DISC1: variants seen among roughly 807,000 people sequenced by gnomAD.
DISC1 encodes DISC1 scaffold protein.
A neutral mutation model predicts 84.5 loss-of-function variants in DISC1; 57 were observed. The ratio of observed to expected loss-of-function variants is 0.67; its 90% confidence interval spans 0.55 to 0.84. DISC1 has a LOEUF of 0.84. Ranked by LOEUF, DISC1 falls within the 40% of genes least tolerant of loss-of-function variation. The pLI is 0.00. For synonymous variants in DISC1, 411 were observed against 415.2 expected, an observed-to-expected ratio of 0.99 and a Z score of 0.12; for missense variants, 1,000 against 1,057.8, an observed-to-expected ratio of 0.95 and a Z score of 0.76.
intron 1 of DISC1, among the ~76,000 whole-genome samples, chr1:231,645,286 G>A (rs2060028873): frequency 6.6e-6 from 1 of 152,120 alleles, no homozygotes; most frequent in Non-Finnish European, 1.5e-5. Flanking sequence ...CATCATGCTG[G>A]TGTGGGAAAG....
chr1:231,983,641 T>TG (rs1157641335), intron 10 of DISC1, among the ~76,000 whole-genome samples: 2 of 4,508 alleles, frequency 4.4e-4, no homozygotes, highest in African/African-American at 9.1e-4. Flanking sequence ...GGTTGGGGGT[T>TG]GGGGGGAGGG....
At chr1:231,981,326 C>T (rs1399267565) in intron 10 of DISC1, among the ~76,000 whole-genome samples, 2 of 152,140 alleles carry the variant, frequency 1.3e-5, no homozygotes, top group Non-Finnish European at 2.9e-5. Flanking sequence ...ATACCAGTGG[C>T]ATGCAAAATG....
intron 6 of DISC1, among the ~76,000 whole-genome samples, chr1:231,794,315 T>C (rs2078592233): frequency 6.6e-6 from 1 of 152,106 alleles, no homozygotes; most frequent in Admixed American, 6.6e-5. Context: ...CCCACCAATC[T>C]CCTAGTTCTA....
intron 10 of DISC1, among the ~76,000 whole-genome samples, chr1:231,972,056 A>G (rs1662042049): frequency 6.6e-6 from 1 of 152,214 alleles, no homozygotes; most frequent in South Asian, 2.1e-4. Flanking sequence ...GAGGCGTTCC[A>G]CCAGTGCAGA....
At chr1:231,704,819 G>A (rs1022742673) in intron 3 of DISC1, among the ~76,000 whole-genome samples, 3 of 151,108 alleles carry the variant, frequency 2.0e-5, no homozygotes, top group African/African-American at 7.3e-5. Context: ...GGGGTGGGGT[G>A]GGAGACTCCA....
intron 11 of DISC1, among the ~76,000 whole-genome samples, chr1:232,013,952 G>A (rs1202445285): frequency 1.3e-5 from 2 of 152,062 alleles, no homozygotes; most frequent in Non-Finnish European, 2.9e-5. Context: ...GAGGGCAAGA[G>A]AAGGCAGAGA....
intron 6 of DISC1, among the ~76,000 whole-genome samples, chr1:231,786,328 A>G (rs1011750651): frequency 6.6e-6 from 1 of 152,242 alleles, no homozygotes; most frequent in African/African-American, 2.4e-5. Flanking sequence ...TGACTTGTTC[A>G]AAGTCTTGCA....
intron 9 of DISC1, among the ~76,000 whole-genome samples, chr1:231,883,349 G>A (rs1358510444): frequency 6.6e-6 from 1 of 152,128 alleles, no homozygotes; most frequent in African/African-American, 2.4e-5. Flanking sequence ...ACCCCTTGCC[G>A]TCGGGAGCTC....
chr1:231,981,248 G>A (rs541449754), intron 10 of DISC1, among the ~76,000 whole-genome samples: 1 of 152,228 alleles, frequency 6.6e-6, no homozygotes, highest in East Asian at 1.9e-4. Context: ...CTGGCCTGAG[G>A]CTGTTTAAAA....
chr1:231,944,066 A>G (rs375412673), intron 9 of DISC1: 1 of 152,236 alleles, frequency 6.6e-6, no homozygotes, highest in African/African-American at 2.4e-5. Context: ...GAGACCAGGT[A>G]TGAGTTTAGA....
At chr1:231,885,548 C>G (rs2086621926) in intron 9 of DISC1, among the ~76,000 whole-genome samples, 3 of 152,184 alleles carry the variant, frequency 2.0e-5, no homozygotes. Flanking sequence ...AAAGCCTCAG[C>G]TGAAGATCAT....
chr1:231,973,365 A>T (rs891555995), intron 10 of DISC1, among the ~76,000 whole-genome samples: 63 of 152,106 alleles, frequency 4.1e-4, no homozygotes, highest in African/African-American at 1.5e-3. Context: ...TTGTTCTTTA[A>T]AGGAAGAATA....
At chr1:231,917,360 A>G (rs1572044468) in intron 9 of DISC1, among the ~76,000 whole-genome samples, 1 of 152,216 alleles carries the variant, frequency 6.6e-6, no homozygotes, top group Non-Finnish European at 1.5e-5. Context: ...TACTTTCCAT[A>G]AAGAGAATCC....
chr1:231,694,120 A>G lies in DISC1; in HGVS notation c.362A>G (p.Gln121Arg). The change falls in exon 2 of 13, where the codon CAG (glutamine) becomes CGG (arginine). Residue 121 changes from glutamine (Q) to arginine (R), a missense_variant. Gln to Arg is a conservative substitution (Grantham distance 43). Coordinates refer to ENST00000439617, the MANE Select transcript of DISC1 (RefSeq NM_018662.3). ...VRGTSAHFGI[Q>R]LRGGTRLPDR... ...GGAACCTCGGCGCACTTTGGGATTC[A>G]GCTCAGAGGTGGCACCAGATTGCCT... The G allele has an allele frequency of 5.6e-6, 9 of 1,614,132 alleles. No individual in the cohort carries two copies. Among genetic ancestry groups the G allele is most frequent in the Non-Finnish European group, 6.8e-6 (8 of 1,180,024 alleles).
At chr1:231,639,918 G>A (rs927593536) in intron 1 of DISC1, among the ~76,000 whole-genome samples, 5 of 152,152 alleles carry the variant, frequency 3.3e-5, no homozygotes, top group African/African-American at 4.8e-5. Context: ...TCTGATTCAC[G>A]TTAGTGTTTC....
intron 11 of DISC1, among the ~76,000 whole-genome samples, chr1:232,025,448 T>C (rs1194783874): frequency 6.6e-6 from 1 of 151,936 alleles, no homozygotes; most frequent in Non-Finnish European, 1.5e-5. Context: ...CTCATAGAAA[T>C]AAGTTTGAAG....
At chr1:231,661,003 C>T (rs2061520310) in intron 1 of DISC1, among the ~76,000 whole-genome samples, 1 of 152,070 alleles carries the variant, frequency 6.6e-6, no homozygotes, top group Admixed American at 6.5e-5. Flanking sequence ...CATTTATGAA[C>T]CTTAGTTTGG....
chr1:231,906,127 A>G (rs2088615889), intron 9 of DISC1, among the ~76,000 whole-genome samples: 1 of 144,398 alleles, frequency 6.9e-6, no homozygotes, highest in African/African-American at 2.6e-5. Context: ...GGTTCAAGTG[A>G]TTCTCCTGCC....
chr1:231,841,731 A>G (rs939551720), intron 9 of DISC1, among the ~76,000 whole-genome samples: 1 of 152,200 alleles, frequency 6.6e-6, no homozygotes, highest in Non-Finnish European at 1.5e-5. Flanking sequence ...GCTTTAACTT[A>G]GTCTCCTTAA....
Sources: allele counts gnomAD v4.1 joint callset (sites outside exome capture counted in the v4.1 genomes callset), GRCh38; gene constraint gnomAD v4.1.1; transcripts MANE v1.5; gene names NCBI Gene and HGNC (gene_info 2026-07-23, HGNC 2026-07-21).